CNTN5: variants seen among roughly 807,000 people sequenced by gnomAD.
CNTN5 encodes the protein contactin-5.
Under a neutral mutation model 129.1 loss-of-function variants are expected in CNTN5, and 77 were observed. The ratio of observed to expected loss-of-function variants is 0.60; its 90% confidence interval spans 0.50 to 0.72. The LOEUF (loss-of-function observed/expected upper bound fraction) is 0.72, where lower values mean the gene tolerates loss of function less well. CNTN5 is among the 30% of genes least tolerant of loss of function. CNTN5 has a pLI of 0.00. For synonymous variants in CNTN5, 509 were observed against 465.6 expected, an observed-to-expected ratio of 1.09 and a Z score of -1.20; for missense variants, 1,478 against 1,328.8, an observed-to-expected ratio of 1.11 and a Z score of -1.75.
At chr11:99,657,156 C>T (rs1422509074) in intron 3 of CNTN5, among the ~76,000 whole-genome samples, 1 of 151,772 alleles carries the variant, frequency 6.6e-6, no homozygotes, top group African/African-American at 2.4e-5. Context: ...TACAGAAAGC[C>T]TCACTGAACT....
intron 9 of CNTN5, among the ~76,000 whole-genome samples, chr11:100,048,668 A>C (rs1942809556): frequency 1.3e-5 from 2 of 152,052 alleles, no homozygotes; most frequent in African/African-American, 4.8e-5. Flanking sequence ...AAAATATACT[A>C]GATAAAGAGA....
intron 16 of CNTN5, among the ~76,000 whole-genome samples, chr11:100,248,769 T>C (rs999407618): frequency 1.3e-5 from 2 of 152,108 alleles, no homozygotes; most frequent in Non-Finnish European, 2.9e-5. Context: ...GTGCAGAGGC[T>C]CTAAGAAGCA....
intron 3 of CNTN5, among the ~76,000 whole-genome samples, chr11:99,689,403 T>G (rs916381474): frequency 2.0e-5 from 3 of 151,664 alleles, no homozygotes; most frequent in Non-Finnish European, 4.4e-5. Context: ...GGTGGGCGCC[T>G]GTAGTCCCAG....
At chr11:99,356,945 T>C (rs963762671) in intron 2 of CNTN5, among the ~76,000 whole-genome samples, 11 of 152,130 alleles carry the variant, frequency 7.2e-5, no homozygotes, top group Non-Finnish European at 1.0e-4. Flanking sequence ...GAAAAACATG[T>C]GTATATAACA....
intron 16 of CNTN5, among the ~76,000 whole-genome samples, chr11:100,244,398 T>G (rs576612350): frequency 2.6e-5 from 4 of 152,300 alleles, no homozygotes; most frequent in African/African-American, 9.6e-5. Flanking sequence ...CCAAGAGATA[T>G]GGAGTGAATT....
chr11:99,993,868 T>G (rs188007860), intron 8 of CNTN5, among the ~76,000 whole-genome samples: 28 of 152,256 alleles, frequency 1.8e-4, no homozygotes, highest in African/African-American at 6.5e-4. Flanking sequence ...TTCTAATATG[T>G]CCTTATATCA....
chr11:99,590,205 A>G (rs901135077), intron 3 of CNTN5, among the ~76,000 whole-genome samples: 9 of 152,240 alleles, frequency 5.9e-5, no homozygotes, highest in African/African-American at 2.2e-4. Flanking sequence ...CAAATAAAGC[A>G]TAAAAGCATC....
chr11:99,765,698 G>C (rs898076608), intron 3 of CNTN5, among the ~76,000 whole-genome samples: 1 of 150,962 alleles, frequency 6.6e-6, no homozygotes, highest in Non-Finnish European at 1.5e-5. Flanking sequence ...TAATGTCAAA[G>C]ACAACTATAG....
rs540089425 is a variant in CNTN5, at chr11:99,884,196, TAAC to T, written c.578-31855_578-31853del. 1.7e-3 allele frequency among the ~76,000 whole-genome samples: 266 copies of T among 152,158 alleles called. 2 individuals are homozygous for T. The highest frequency in any genetic ancestry group is 6.3e-3 in the African/African-American group (260 of 41,512). On this transcript the variant is annotated intron_variant, in intron 6 of 24. Coordinates refer to ENST00000524871, the MANE Select transcript of CNTN5 (RefSeq NM_014361.4). ...AAGTTAACATGAACTATATATGAAA[TAAC>T]AATCAAACATCATCATTCATAAAGG...
In CNTN5 at chr11:100,123,620, G is replaced by T. The variant is rs1211896909; in HGVS notation, c.1580+49326G>T. 2.0e-5 allele frequency among the ~76,000 whole-genome samples: 3 copies of T among 151,908 alleles called. No individual in the cohort carries two copies. The East Asian group carries it at 5.8e-4, about 29-fold the overall frequency. Reference sequence around the variant, plus strand: ...AAGGAAAATGAAGACAGTTTTTGTAGTCTAACCAAGAATCAAAACAAATTC... The same window carrying T: ...AAGGAAAATGAAGACAGTTTTTGTATTCTAACCAAGAATCAAAACAAATTC... On this transcript the variant is annotated intron_variant, in intron 13 of 24. Transcript: ENST00000524871.
chr11:99,093,975 A>T (rs911205401), intron 1 of CNTN5, among the ~76,000 whole-genome samples: 1 of 152,024 alleles, frequency 6.6e-6, no homozygotes, highest in Non-Finnish European at 1.5e-5. Context: ...TAACATATTG[A>T]TATATAACAT....
chr11:99,709,015 C>T lies in CNTN5; in HGVS notation c.56-110529C>T, dbSNP rs532670276. Among the ~76,000 whole-genome samples, 28 of 151,896 alleles carry T rather than the reference C, an allele frequency of 1.8e-4. No homozygotes were observed. The South Asian group carries it at 4.6e-3, about 25-fold the overall frequency. ...TAATCCATTGGTTTTGTTTTCCAAA[C>T]GCAAAGCTGTTTTTGCCATCTCTTC... On this transcript the variant is annotated intron_variant, in intron 3 of 24. Transcript: ENST00000524871.
intron 1 of CNTN5, among the ~76,000 whole-genome samples, chr11:99,095,859 G>A (rs373518869): frequency 2.9e-4 from 44 of 151,946 alleles, no homozygotes; most frequent in African/African-American, 1.0e-3. Flanking sequence ...CTTACATTGA[G>A]AGACATGATG....
chr11:99,873,983 T>C (rs1378009540), intron 6 of CNTN5, among the ~76,000 whole-genome samples: 1 of 152,086 alleles, frequency 6.6e-6, no homozygotes, highest in African/African-American at 2.4e-5. Flanking sequence ...ATATTGCACA[T>C]TCTCACTTAT....
chr11:100,216,821 C>CAG, intron 15 of CNTN5, among the ~76,000 whole-genome samples: 1 of 152,272 alleles, frequency 6.6e-6, no homozygotes, highest in Middle Eastern at 3.4e-3. Context: ...TATTACTACA[C>CAG]TTGCCAAATT....
intron 13 of CNTN5, among the ~76,000 whole-genome samples, chr11:100,098,484 T>C (rs962098135): frequency 3.9e-5 from 6 of 152,078 alleles, no homozygotes; most frequent in African/African-American, 1.4e-4. Context: ...TCTGTCTGTC[T>C]GTGTTTTAGA....
rs1504729 is a variant in CNTN5, at chr11:99,474,628, C to G, written c.-70-81517C>G. 5.7e-3 allele frequency among the ~76,000 whole-genome samples: 860 copies of G among 152,146 alleles called. 38 individuals carry two copies. The East Asian group carries it at 0.093, about 16-fold the overall frequency. Reference sequence around the variant, plus strand: ...ATTTTTGTTTTTACCCAAAAGGTGTCTCTATAATTTAATTTATGGAGAACA... The same window carrying G: ...ATTTTTGTTTTTACCCAAAAGGTGTGTCTATAATTTAATTTATGGAGAACA... On this transcript the variant is annotated intron_variant, in intron 2 of 24. Coordinates refer to ENST00000524871, the MANE Select transcript of CNTN5 (RefSeq NM_014361.4).
rs374278053 is a variant in CNTN5 at position 100,271,109 on chromosome 11, G to C, written c.2182G>C (p.Gly728Arg). The C allele has an allele frequency of 1.6e-5, 25 of 1,607,198 alleles. No individual in the cohort carries two copies. Among genetic ancestry groups the C allele is most frequent in the Non-Finnish European group, 2.0e-5 (23 of 1,177,768 alleles). ...TVKTVPEIIT[G>R]DMESAMAVDL... ...TTCTATAGTCCCAGAAATCATAACA[G>C]GGGACATGGAGTCAGCCATGGCTGT... Residue 728 changes from glycine (G) to arginine (R), a missense_variant, in exon 18 of 25, where the codon GGG becomes CGG. Coordinates refer to ENST00000524871, the MANE Select transcript of CNTN5 (RefSeq NM_014361.4).
At chr11:99,468,549 G>A (rs1945035854) in intron 2 of CNTN5, among the ~76,000 whole-genome samples, 1 of 152,140 alleles carries the variant, frequency 6.6e-6, no homozygotes, top group Non-Finnish European at 1.5e-5. Flanking sequence ...GTTAGGCAAT[G>A]TAGCCTGCAG....
Sources: allele counts gnomAD v4.1 joint callset (sites outside exome capture counted in the v4.1 genomes callset), GRCh38; gene constraint gnomAD v4.1.1; transcripts MANE v1.5; gene names NCBI Gene and HGNC (gene_info 2026-07-23, HGNC 2026-07-21).